MYO7A: variants seen among roughly 807,000 people sequenced by gnomAD.
The protein encoded by MYO7A is myosin VIIA, also known as unconventional myosin-VIIa.
A neutral mutation model predicts 263.8 loss-of-function variants in MYO7A; 210 were observed. The ratio of observed to expected loss-of-function variants is 0.80; its 90% CI spans 0.71 to 0.89. The LOEUF (loss-of-function observed/expected upper bound fraction) is 0.89, where lower values mean the gene tolerates loss of function less well. Among genes scored for constraint, MYO7A ranks in the 40% least tolerant of loss-of-function variants. The probability of loss-of-function intolerance (pLI) is 0.00; values close to 1 mark genes in which losing one functional copy is unlikely to be tolerated. For missense variants in MYO7A, 2,820 were observed against 2,968.3 expected (o/e 0.95, Z 1.16); for synonymous variants, 1,239 against 1,197.3 (o/e 1.03, Z -0.72).
chr11:77,136,797 G>A (rs1555047571), intron 2 of MYO7A, among the ~76,000 whole-genome samples: 1 of 152,224 alleles, frequency 6.6e-6, no homozygotes, highest in Non-Finnish European at 1.5e-5. Context: ...GAGTGGCTGA[G>A]CTGGGATTGA....
At chr11:77,168,312 T>G (rs1953752600) in intron 15 of MYO7A, among the ~76,000 whole-genome samples, 1 of 152,176 alleles carries the variant, frequency 6.6e-6, no homozygotes, top group African/African-American at 2.4e-5. Flanking sequence ...TCTCCAGAAA[T>G]GGCCCCCTCC....
intron 3 of MYO7A, among the ~76,000 whole-genome samples, chr11:77,147,400 T>TTTTCTTTC (rs35139168): frequency 0.022 from 3,329 of 150,830 alleles, 51 homozygotes; most frequent in African/African-American, 0.031. Context: ...TTTTTAATGT[T>TTTTCTTTC]TTTCTTTCTT....
chr11:77,195,035 C>T lies in MYO7A; in HGVS notation c.4323+511C>T, dbSNP rs568464741. Among the ~76,000 whole-genome samples, 326 of 152,208 alleles carry T rather than the reference C, an allele frequency of 2.1e-3. 5 individuals carry two copies. The highest frequency in any genetic ancestry group is 3.8e-4 in the Non-Finnish European group (26 of 67,990). ...TCCAGATGGGGAGAAGGTGGGAGCA[C>T]TGGCTGCTGGTAGGGGACCCAAGGC... On this transcript the variant is annotated intron_variant, in intron 32 of 48. Coordinates refer to ENST00000409709, the MANE Select transcript of MYO7A (RefSeq NM_000260.4).
At chr11:77,177,515 T>C in intron 18 of MYO7A, 34 bp from the exon 19 acceptor site, 1 of 1,555,294 alleles carries the variant, frequency 6.4e-7, no homozygotes, top group South Asian at 1.2e-5. Context: ...AGAGGAGACC[T>C]TGTGGGGCGC....
At chr11:77,167,148 G>T (rs1426411941) in intron 15 of MYO7A, among the ~76,000 whole-genome samples, 1 of 152,154 alleles carries the variant, frequency 6.6e-6, no homozygotes, top group Non-Finnish European at 1.5e-5. Context: ...GTGGTTTGTG[G>T]AGTGATTTTT....
chr11:77,190,478 C>T (rs1330587447), intron 29 of MYO7A, among the ~76,000 whole-genome samples: 2 of 152,270 alleles, frequency 1.3e-5, no homozygotes, highest in Non-Finnish European at 2.9e-5. Flanking sequence ...CCTCTCAGCC[C>T]CAGGCCCTGG....
intron 25 of MYO7A, among the ~76,000 whole-genome samples, 151 bp downstream of exon 25, chr11:77,182,751 TG>T (rs1167191650): frequency 6.6e-6 from 1 of 152,252 alleles, no homozygotes; most frequent in Non-Finnish European, 1.5e-5. Context: ...TTTGTCTACT[TG>T]TGGGAACAAA....
At chr11:77,204,838 T>C (rs1180143952) in intron 39 of MYO7A, among the ~76,000 whole-genome samples, 2 of 152,218 alleles carry the variant, frequency 1.3e-5, no homozygotes, top group South Asian at 2.1e-4. Flanking sequence ...ATCAGCTCTT[T>C]TGACAGTGCC....
At chr11:77,160,890 C>G in intron 11 of MYO7A, 83 bp from the exon 12 acceptor site, 1 of 1,487,912 alleles carries the variant, frequency 6.7e-7, no homozygotes, top group East Asian at 2.5e-5. Context: ...AGGGCTGGAG[C>G]GACACCACGA....
Position 77,160,143 on chromosome 11 carries a change from T to C in MYO7A, c.1081-20T>C. ...AGGGGCAGGCTGGCAGGTGAGCACC[T>C]GGGGTGTTGCCTGTACCAGGTGAAC... On this transcript the variant is annotated intron_variant, in intron 10 of 48. Coordinates refer to ENST00000409709, the MANE Select transcript of MYO7A (RefSeq NM_000260.4). 6.5e-7 allele frequency: 1 copy of C among 1,549,046 alleles called. No individual in the cohort carries two copies. Among genetic ancestry groups the C allele is most frequent in the Non-Finnish European group, 8.7e-7 (1 of 1,146,710 alleles).
Position 77,166,143 on chromosome 11 carries a change from T to G in MYO7A, c.1778T>G (p.Phe593Cys). 1 of 1,613,834 alleles carries G rather than the reference T, an allele frequency of 6.2e-7. No individual in the cohort carries two copies. The highest frequency in any genetic ancestry group is 8.5e-7 in the Non-Finnish European group (1 of 1,179,828). The change falls in exon 15 of 49, where the codon TTC becomes TGC. Residue 593 changes from phenylalanine to cysteine, a missense_variant. Physicochemically the swap from Phe to Cys is radical, Grantham distance 205. Coordinates refer to ENST00000409709, the MANE Select transcript of MYO7A (RefSeq NM_000260.4). ...SSRNKFIKQI[F>C]QADVAMGAET... The stretch of plus-strand genomic sequence containing the variant: ...AGGAACAAGTTCATCAAGCAGATCT[T>G]CCAGGCCGATGTCGCCATGGTAAGC...
intron 13 of MYO7A, 83 bp from the exon 14 acceptor site, chr11:77,162,770 A>AC: frequency 6.5e-7 from 1 of 1,535,522 alleles, no homozygotes; most frequent in Non-Finnish European, 8.8e-7. Context: ...TGAAGAAGAG[A>AC]CAGGGGGCAA....
chr11:77,128,778 G>C (rs936391447), intron 1 of MYO7A, among the ~76,000 whole-genome samples: 1 of 152,172 alleles, frequency 6.6e-6, no homozygotes, highest in African/African-American at 2.4e-5. Flanking sequence ...CAGGGGAATA[G>C]ACATGCTGTG....
At position 77,160,176 on chromosome 11, in the gene MYO7A, A is replaced by C. The variant is rs924913478; in HGVS notation, c.1094A>C (p.Asp365Ala). The C allele has an allele frequency of 2.6e-6, 4 of 1,562,994 alleles. No homozygotes were observed. In the African/African-American group the frequency reaches 5.4e-5, roughly 21 times the overall value. Reference sequence around the variant, plus strand: ...TGCCTGTACCAGGTGAACCCCCCAGACCTGATGAGCTGCCTGACTAGCCGC... The same window carrying C: ...TGCCTGTACCAGGTGAACCCCCCAGCCCTGATGAGCTGCCTGACTAGCCGC... ...AASLLEVNPP[D>A]LMSCLTSRTL... Residue 365 changes from aspartate to alanine, a missense_variant, in exon 11 of 49, where the codon GAC becomes GCC. Coordinates refer to ENST00000409709, the MANE Select transcript of MYO7A (RefSeq NM_000260.4).
At chr11:77,131,636 C>T (rs928931640) in intron 2 of MYO7A, among the ~76,000 whole-genome samples, 2 of 152,196 alleles carry the variant, frequency 1.3e-5, no homozygotes, top group Admixed American at 6.5e-5. Flanking sequence ...CCTCCAGGGG[C>T]GTCCTCCCTC....
intron 14 of MYO7A, among the ~76,000 whole-genome samples, chr11:77,163,670 T>A (rs1341418535): frequency 2.2e-4 from 34 of 152,196 alleles, no homozygotes; most frequent in Admixed American, 2.2e-3. Flanking sequence ...GGTGAAGACG[T>A]GACTGTATTT....
chr11:77,162,541 G>A (rs907383970), intron 13 of MYO7A, among the ~76,000 whole-genome samples: 1 of 152,212 alleles, frequency 6.6e-6, no homozygotes, highest in South Asian at 2.1e-4. Flanking sequence ...ATCCATGCAT[G>A]CAGTTGGCAT....
chr11:77,144,622 A>G (rs1352857660), intron 3 of MYO7A, among the ~76,000 whole-genome samples: 1 of 150,952 alleles, frequency 6.6e-6, no homozygotes, highest in African/African-American at 2.4e-5. Context: ...CTCCCTCCCA[A>G]CTCCAGGCTG....
chr11:77,154,915 A>G (rs782668451), intron 4 of MYO7A, among the ~76,000 whole-genome samples: 1 of 152,036 alleles, frequency 6.6e-6, no homozygotes, highest in Non-Finnish European at 1.5e-5. Flanking sequence ...GCGTGGCCAC[A>G]GTAGGCTGAG....
Sources: allele counts gnomAD v4.1 joint callset (sites outside exome capture counted in the v4.1 genomes callset), GRCh38; gene constraint gnomAD v4.1.1; transcripts MANE v1.5; gene names NCBI Gene and HGNC (gene_info 2026-07-23, HGNC 2026-07-21).